The following SLC4A8 variants were observed in gnomAD, a reference collection of about 807,000 sequenced individuals.
SLC4A8 encodes electroneutral sodium bicarbonate exchanger 1.
Under a neutral mutation model 125.0 loss-of-function variants are expected in SLC4A8, and 40 were observed. The ratio of observed to expected loss-of-function variants is 0.32; its 90% CI spans 0.25 to 0.42. The LOEUF (loss-of-function observed/expected upper bound fraction) is 0.42. SLC4A8 is among the 10% of genes least tolerant of loss of function. The pLI is 1.00. For synonymous variants in SLC4A8, 456 were observed against 476.0 expected (o/e 0.96, Z 0.55); for missense variants, 863 against 1,355.1 (o/e 0.64, Z 5.70).
Position 51,455,092 on chromosome 12 carries a change from CAGCACACGTTTCAGAG to C in SLC4A8, c.574+1399_574+1414del, listed in dbSNP as rs1177253680. ...TAATCCATTTAACTCTGAGTTGACACAGCACACGTTTCAGAGAGCACGGGGTTGGGGGTAAGGTTAT... is the reference window on the plus strand; with the variant it reads ...TAATCCATTTAACTCTGAGTTGACACAGCACGGGGTTGGGGGTAAGGTTAT... On this transcript the variant is annotated intron_variant, in intron 5 of 24. Coordinates refer to ENST00000453097, the MANE Select transcript of SLC4A8 (RefSeq NM_001039960.3). Among the ~76,000 whole-genome samples the C allele has an allele frequency of 2.2e-5, 3 of 134,874 alleles. No individual in the cohort carries two copies. In the Admixed American group the frequency reaches 2.3e-4, roughly 10 times the overall value. 88.5% of individuals were successfully genotyped at this position (134,874 alleles called of 152,430 possible). A position where few individuals can be genotyped will look rare whatever the true frequency, so the allele number is the denominator to read the frequency against.
intron 19 of SLC4A8, among the ~76,000 whole-genome samples, chr12:51,492,382 C>T (rs1325121862): frequency 6.6e-6 from 1 of 152,186 alleles, no homozygotes; most frequent in Non-Finnish European, 1.5e-5. Flanking sequence ...ACTTTCCACT[C>T]AACCTTACCA....
intron 23 of SLC4A8, among the ~76,000 whole-genome samples, chr12:51,504,697 C>T (rs1938086865): frequency 6.6e-6 from 1 of 152,150 alleles, no homozygotes; most frequent in Non-Finnish European, 1.5e-5. Flanking sequence ...CAGAAATAGT[C>T]AATGTTAGCC....
chr12:51,394,007 C>G (rs2137904337), intron 1 of SLC4A8, among the ~76,000 whole-genome samples: 1 of 152,314 alleles, frequency 6.6e-6, no homozygotes, highest in South Asian at 2.1e-4. Flanking sequence ...CTGAACACTC[C>G]CTGTACAGGT....
chr12:51,510,440 A>G lies in SLC4A8; in HGVS notation c.*3002A>G, dbSNP rs991369589. On this transcript the variant is annotated 3_prime_UTR_variant, in exon 25 of 25. Transcript: ENST00000453097. Reference sequence around the variant, plus strand: ...CTCCATTTCAAAAAAAAAAAAAAAAAAAAACTTCCCAATAGGAGGTATTCC... The same window carrying G: ...CTCCATTTCAAAAAAAAAAAAAAAAGAAAACTTCCCAATAGGAGGTATTCC... 1 of 152,012 alleles carries G rather than the reference A, an allele frequency of 6.6e-6. No homozygotes were observed. Among genetic ancestry groups the G allele is most frequent in the African/African-American group, 2.4e-5 (1 of 41,338 alleles). 9.4% of individuals were successfully genotyped at this position (152,012 alleles called of 1,614,324 possible).
rs151198919 is a variant in SLC4A8 at position 51,452,197 on chromosome 12, T to G, written c.351T>G (p.Phe117Leu). The G allele has an allele frequency of 6.2e-7, 1 of 1,614,188 alleles. No individual in the cohort carries two copies. Among genetic ancestry groups the G allele is most frequent in the Non-Finnish European group, 8.5e-7 (1 of 1,180,002 alleles). Residue 117 changes from phenylalanine (F) to leucine (L), a missense_variant, in exon 4 of 25, where the codon TTT (phenylalanine) becomes TTG (leucine). Physicochemically the swap from Phe to Leu is conservative, Grantham distance 22. Coordinates refer to ENST00000453097, the MANE Select transcript of SLC4A8 (RefSeq NM_001039960.3). Reference protein sequence around the residue: ...EDEEHVPHELFTELDEICMKE... With the variant: ...EDEEHVPHELLTELDEICMKE... Reference sequence around the variant, plus strand: ...AAGAGCATGTGCCTCATGAGCTGTTTACAGAGCTGGATGAGATCTGTATGA... The same window carrying G: ...AAGAGCATGTGCCTCATGAGCTGTTGACAGAGCTGGATGAGATCTGTATGA...
intron 1 of SLC4A8, among the ~76,000 whole-genome samples, chr12:51,408,236 T>G (rs1178676701): frequency 6.6e-6 from 1 of 152,056 alleles, no homozygotes; most frequent in African/African-American, 2.4e-5. Context: ...TGGGTTTTGT[T>G]TGTTTGTTTT....
At chr12:51,479,255 A>G (rs1263135495) in intron 16 of SLC4A8, among the ~76,000 whole-genome samples, 1 of 152,224 alleles carries the variant, frequency 6.6e-6, no homozygotes, top group African/African-American at 2.4e-5. Context: ...GGAAATCCCC[A>G]TACTAAGCAG....
intron 6 of SLC4A8, among the ~76,000 whole-genome samples, chr12:51,457,746 C>T (rs776755441): frequency 6.6e-6 from 1 of 152,080 alleles, no homozygotes; most frequent in African/African-American, 2.4e-5. Flanking sequence ...TAGGTCTCAG[C>T]GGACCCAAGG....
chr12:51,422,547 T>C (rs367853527), upstream of SLC4A8, among the ~76,000 whole-genome samples: 1 of 152,114 alleles, frequency 6.6e-6, no homozygotes, highest in East Asian at 1.9e-4. Flanking sequence ...AAAATAGAGA[T>C]GGAATTTCTA....
Position 51,515,214 on chromosome 12 carries a change from T to A in SLC4A8, c.*7776T>A, listed in dbSNP as rs1938491450. 1 of 152,260 alleles carries A rather than the reference T, an allele frequency of 6.6e-6. No homozygotes were observed. Among genetic ancestry groups the A allele is most frequent in the East Asian group, 1.9e-4 (1 of 5,202 alleles). The allele number at this position is 152,260 out of a possible 1,614,324, so 9.4% of individuals were successfully genotyped here. ...CTGGAAACAGAAGCACCAAACTGAT[T>A]GTGCAATTACTCCTTTTGTAGAAGA... On this transcript the variant is annotated 3_prime_UTR_variant, in exon 25 of 25. Coordinates refer to ENST00000453097, the MANE Select transcript of SLC4A8 (RefSeq NM_001039960.3).
Position 51,507,522 on chromosome 12 carries a change from G to T in SLC4A8, c.*84G>T. Reference sequence around the variant, plus strand: ...CAGAGAAAATGGCGAGTCTCTCAGAGAAGAAGCAAGACCAAGTCTGGCCCT... The same window carrying T: ...CAGAGAAAATGGCGAGTCTCTCAGATAAGAAGCAAGACCAAGTCTGGCCCT... On this transcript the variant is annotated 3_prime_UTR_variant, in exon 25 of 25. Transcript: ENST00000453097. 1.0e-6 allele frequency: 1 copy of T among 984,338 alleles called. No individual in the cohort carries two copies. Among genetic ancestry groups the T allele is most frequent in the South Asian group, 3.5e-5 (1 of 28,794 alleles). The allele number at this position is 984,338 out of a possible 1,614,324, so 61.0% of individuals were successfully genotyped here. A position where few individuals can be genotyped will look rare whatever the true frequency, so the allele number is the denominator to read the frequency against.
chr12:51,462,130 C>T (rs566359716), intron 9 of SLC4A8, 180 bp from the exon 10 acceptor site: 50 of 601,426 alleles, frequency 8.3e-5, no homozygotes, highest in South Asian at 7.4e-4. Flanking sequence ...CTCATTTCCA[C>T]GCTTGTTTTT....
chr12:51,502,256 GAC>G (rs1937923698), intron 22 of SLC4A8: 1 of 151,894 alleles, frequency 6.6e-6, no homozygotes, highest in African/African-American at 2.4e-5. Context: ...TTTGTTTTGA[GAC>G]AGAGTCTTGC....
chr12:51,496,126 G>A (rs1263315972), intron 21 of SLC4A8, among the ~76,000 whole-genome samples: 1 of 152,128 alleles, frequency 6.6e-6, no homozygotes, highest in Non-Finnish European at 1.5e-5. Context: ...CGTGTGTTAC[G>A]TTCATGGGTT....
At chr12:51,478,223 C>A (rs901711213) in intron 16 of SLC4A8, among the ~76,000 whole-genome samples, 5 of 148,298 alleles carry the variant, frequency 3.4e-5, no homozygotes, top group African/African-American at 1.3e-4. Flanking sequence ...TGCAGTGAGC[C>A]AAGATCGTGC....
intron 2 of SLC4A8, among the ~76,000 whole-genome samples, chr12:51,443,994 C>T (rs1480619358): frequency 1.3e-5 from 2 of 152,204 alleles, no homozygotes; most frequent in Non-Finnish European, 2.9e-5. Context: ...ACTAAAATTA[C>T]ATCTTTCCCA....
chr12:51,454,266 C>T (rs1950060679), intron 5 of SLC4A8, among the ~76,000 whole-genome samples: 2 of 152,048 alleles, frequency 1.3e-5, no homozygotes, highest in African/African-American at 4.8e-5. Flanking sequence ...CACTGCACTC[C>T]AGCCTAGGTA....
intron 1 of SLC4A8, among the ~76,000 whole-genome samples, chr12:51,430,761 T>G (rs1438835987): frequency 6.6e-6 from 1 of 152,122 alleles, no homozygotes; most frequent in East Asian, 1.9e-4. Flanking sequence ...AGAAAAGCAA[T>G]TGTGTCTATT....
At position 51,425,033 on chromosome 12, in the gene SLC4A8, CAGGT is replaced by C. The variant is rs1192938611; in HGVS notation, c.48+2_48+5del. 6.4e-7 allele frequency: 1 copy of C among 1,555,936 alleles called. No individual in the cohort carries two copies. The highest frequency in any genetic ancestry group is 8.7e-7 in the Non-Finnish European group (1 of 1,150,658). On this transcript the variant is annotated splice_donor_variant and coding_sequence_variant, in exon 1 of 25. Coordinates refer to ENST00000453097, the MANE Select transcript of SLC4A8 (RefSeq NM_001039960.3). LOFTEE classifies it high-confidence loss of function. ...CGAGCCGGACGGCGTCCTCAGCTAT[CAGGT>C]AGGGCCCCGCCTCCCGCGCCTCCCG...
Sources: allele counts gnomAD v4.1 joint callset (sites outside exome capture counted in the v4.1 genomes callset), GRCh38; gene constraint gnomAD v4.1.1; transcripts MANE v1.5; gene names NCBI Gene and HGNC (gene_info 2026-07-23, HGNC 2026-07-21).